The following TRA2B variants were observed in gnomAD, a reference collection of about 807,000 sequenced individuals.
The protein encoded by TRA2B is transformer 2 beta homolog, also known as transformer-2 protein homolog beta.
In TRA2B, 14 loss-of-function variants were observed where a neutral mutation model predicts 41.7. The ratio of observed to expected loss-of-function variants is 0.34; its 90% confidence interval spans 0.22 to 0.53. The LOEUF (loss-of-function observed/expected upper bound fraction) is 0.53, where lower values mean the gene tolerates loss of function less well. TRA2B is among the 20% of genes least tolerant of loss of function. The pLI is 0.95. For missense variants in TRA2B, 167 were observed against 396.8 expected (o/e 0.42, Z 4.92); for synonymous variants, 130 against 128.8 (o/e 1.01, Z -0.06).
intron 1 of TRA2B, chr3:185,936,389 A>G (rs112296111): frequency 1.0e-6 from 1 of 985,388 alleles, no homozygotes; most frequent in Admixed American, 6.1e-5. Flanking sequence ...GTGACATTGG[A>G]GTCAATCGGC....
chr3:185,930,440 A>T (rs1458049141), intron 1 of TRA2B, among the ~76,000 whole-genome samples: 2 of 152,164 alleles, frequency 1.3e-5, no homozygotes, highest in Non-Finnish European at 2.9e-5. Context: ...CAGGCCTGAA[A>T]GCATCAGAAA....
chr3:185,926,459 T>C, intron 2 of TRA2B, 142 bp downstream of exon 2: 1 of 1,124,238 alleles, frequency 8.9e-7, no homozygotes, highest in Non-Finnish European at 1.2e-6. Context: ...TAGTCTTGCC[T>C]CCCAGAACTT....
At chr3:185,935,782 C>A in intron 1 of TRA2B, 17 of 985,402 alleles carry the variant, frequency 1.7e-5, no homozygotes, top group Non-Finnish European at 2.0e-5. Flanking sequence ...TGTATTCCAA[C>A]CCTTAAAGGT....
chr3:185,925,751 T>C (rs1305884828), intron 2 of TRA2B, 125 bp from the exon 3 acceptor site: 5 of 965,554 alleles, frequency 5.2e-6, no homozygotes, highest in African/African-American at 3.4e-5. Flanking sequence ...GTTACCAATT[T>C]AGTAGGATCA....
chr3:185,927,925 T>G (rs1442451890), intron 1 of TRA2B: 1 of 152,230 alleles, frequency 6.6e-6, no homozygotes, highest in African/African-American at 2.4e-5. Context: ...TAAAGCCTGG[T>G]AAGCCTTTCT....
intron 1 of TRA2B, among the ~76,000 whole-genome samples, chr3:185,932,346 A>C (rs1276965233): frequency 3.9e-5 from 6 of 152,306 alleles, no homozygotes; most frequent in South Asian, 2.1e-4. Flanking sequence ...ATTTAGCGTC[A>C]CACATTTTTG....
At position 185,925,571 on chromosome 3, in the gene TRA2B, G is replaced by A. The variant is rs200963354; in HGVS notation, c.226C>T (p.Arg76Cys). The change falls in exon 3 of 9, where the codon CGC becomes TGC. Residue 76 changes from arginine to cysteine, a missense_variant. By Grantham distance (180) the Arg-to-Cys change is radical. This residue lies in a region of TRA2B where 94 missense variants were observed against 133.4 expected (regional missense o/e 0.70). Coordinates refer to ENST00000453386, the MANE Select transcript of TRA2B (RefSeq NM_004593.3). Reference sequence around the variant, plus strand: ...CTGCTACGTGATCGTCTATGGGAGCGGGAGCGAGACCGTGACCGGGTATAA... The same window carrying A: ...CTGCTACGTGATCGTCTATGGGAGCAGGAGCGAGACCGTGACCGGGTATAA... ...RHYTRSRSRS[R>C]SHRRSRSRSY... The A allele has an allele frequency of 9.9e-6, 16 of 1,613,994 alleles. No individual in the cohort carries two copies. The highest frequency in any genetic ancestry group is 7.6e-6 in the Non-Finnish European group (9 of 1,180,008).
chr3:185,934,775 T>G (rs760373006), intron 1 of TRA2B: 1 of 985,426 alleles, frequency 1.0e-6, no homozygotes, highest in Non-Finnish European at 1.2e-6. Context: ...ACTGCAGAAT[T>G]TGAAAAGCAG....
intron 1 of TRA2B, chr3:185,934,578 A>G: frequency 1.0e-6 from 1 of 985,420 alleles, no homozygotes; most frequent in Non-Finnish European, 1.2e-6. Flanking sequence ...GACTCACAAT[A>G]CAAAACAATT....
intron 6 of TRA2B, among the ~76,000 whole-genome samples, chr3:185,919,952 T>C (rs16860329): frequency 0.022 from 3,377 of 152,286 alleles, 50 homozygotes; most frequent in Non-Finnish European, 0.035. Context: ...CAATGACAAC[T>C]GTGGTCAATA....
chr3:185,937,754 G>A, intron 1 of TRA2B, 71 bp downstream of exon 1: 4 of 1,606,054 alleles, frequency 2.5e-6, no homozygotes, highest in South Asian at 2.2e-5. Context: ...CCTGGCCCGA[G>A]GCCGACGGGC....
At chr3:185,936,005 T>C in intron 1 of TRA2B, 4 of 985,256 alleles carry the variant, frequency 4.1e-6, no homozygotes, top group South Asian at 9.4e-5. Context: ...CATCAGAAAA[T>C]TTCAAATTTC....
chr3:185,930,909 G>A (rs1465109700), intron 1 of TRA2B, among the ~76,000 whole-genome samples: 1 of 152,168 alleles, frequency 6.6e-6, no homozygotes, highest in Non-Finnish European at 1.5e-5. Flanking sequence ...CTTCTAAGGG[G>A]AAGCTACGGT....
At chr3:185,933,742 T>A (rs1274180450) in intron 1 of TRA2B, among the ~76,000 whole-genome samples, 4 of 152,066 alleles carry the variant, frequency 2.6e-5, no homozygotes, top group Non-Finnish European at 5.9e-5. Context: ...GAAAAAAACA[T>A]CATCTGAAAT....
intron 6 of TRA2B, among the ~76,000 whole-genome samples, chr3:185,920,296 T>C (rs928195994): frequency 3.3e-5 from 5 of 152,246 alleles, no homozygotes; most frequent in African/African-American, 9.6e-5. Flanking sequence ...AAATGGCTTA[T>C]GAAATTTGCT....
intron 8 of TRA2B, among the ~76,000 whole-genome samples, chr3:185,917,997 G>T (rs963024533): frequency 6.6e-6 from 1 of 152,034 alleles, no homozygotes; most frequent in African/African-American, 2.4e-5. Context: ...AAATTTTTAA[G>T]GACTCTTGAA....
intron 4 of TRA2B, chr3:185,922,413 AAATCT>A: frequency 4.2e-6 from 1 of 236,080 alleles, no homozygotes. Flanking sequence ...CCTGTAGGTC[AAATCT>A]GGCCAGCTGG....
At chr3:185,934,389 A>T in intron 1 of TRA2B, 1 of 985,408 alleles carries the variant, frequency 1.0e-6, no homozygotes, top group African/African-American at 1.7e-5. Context: ...CCACCACCTG[A>T]ATTCCTTTTC....
chr3:185,935,345 G>A (rs1207262735), intron 1 of TRA2B: 2 of 984,844 alleles, frequency 2.0e-6, no homozygotes, highest in Non-Finnish European at 2.4e-6. Context: ...ACCTTTGAGA[G>A]GGGGGAAAAA....
Sources: allele counts gnomAD v4.1 joint callset (sites outside exome capture counted in the v4.1 genomes callset), GRCh38; gene constraint gnomAD v4.1.1; regional missense constraint gnomAD v4.1.1; transcripts MANE v1.5; gene names NCBI Gene and HGNC (gene_info 2026-07-23, HGNC 2026-07-21).